Variants in EYS observed in about 807,000 individuals in gnomAD.
The protein encoded by EYS is protein eyes shut homolog.
A neutral mutation model predicts 282.1 loss-of-function variants in EYS; 250 were observed. The ratio of observed to expected loss-of-function variants is 0.89; its 90% CI spans 0.80 to 0.98. The LOEUF is 0.98. Ranked by LOEUF, EYS falls within the 50% of genes least tolerant of loss-of-function variation. EYS has a pLI of 0.00. For missense variants in EYS, 4,016 were observed against 3,709.0 expected (o/e 1.08, Z -2.15); for synonymous variants, 1,355 against 1,282.9 (o/e 1.06, Z -1.20).
chr6:64,860,612 G>C (rs1263498838), intron 19 of EYS, among the ~76,000 whole-genome samples: 2 of 152,218 alleles, frequency 1.3e-5, no homozygotes, highest in Non-Finnish European at 2.9e-5. Flanking sequence ...CCTAGCTTGG[G>C]GAGCTCCTAG....
intron 12 of EYS, among the ~76,000 whole-genome samples, chr6:65,167,365 G>T (rs886087335): frequency 1.3e-5 from 2 of 151,230 alleles, no homozygotes; most frequent in Non-Finnish European, 3.0e-5. Flanking sequence ...AACCTTGAAA[G>T]TATTATGTTC....
intron 35 of EYS, among the ~76,000 whole-genome samples, chr6:63,890,415 A>G (rs1052328504): frequency 1.3e-5 from 2 of 152,244 alleles, no homozygotes; most frequent in African/African-American, 4.8e-5. Context: ...ACCACAGTGC[A>G]ATCAAATTAG....
chr6:64,272,748 T>C (rs940607061), intron 30 of EYS, among the ~76,000 whole-genome samples: 5 of 152,246 alleles, frequency 3.3e-5, no homozygotes, highest in African/African-American at 1.2e-4. Context: ...TAGGGTAGAA[T>C]AAACAGCTTA....
chr6:63,917,280 G>C (rs1295596000), intron 35 of EYS, among the ~76,000 whole-genome samples: 1 of 152,214 alleles, frequency 6.6e-6, no homozygotes, highest in Non-Finnish European at 1.5e-5. Context: ...CTGGTTGATA[G>C]AAGTAGCTGA....
chr6:64,279,172 C>T (rs1361671470), intron 30 of EYS, among the ~76,000 whole-genome samples: 1 of 152,120 alleles, frequency 6.6e-6, no homozygotes, highest in African/African-American at 2.4e-5. Context: ...ATTTCTTATA[C>T]ATTGAATAGC....
chr6:64,138,743 G>C (rs79533241), intron 31 of EYS, among the ~76,000 whole-genome samples: 3,537 of 152,274 alleles, frequency 0.023, 116 homozygotes, highest in African/African-American at 0.072. Flanking sequence ...GCTTGTACAA[G>C]TGGAAAATTC....
chr6:64,419,073 C>A (rs1458124964), intron 28 of EYS, among the ~76,000 whole-genome samples: 1 of 152,166 alleles, frequency 6.6e-6, no homozygotes, highest in South Asian at 2.1e-4. Flanking sequence ...CTATGGCTCC[C>A]ATCTGAGTTC....
intron 29 of EYS, among the ~76,000 whole-genome samples, chr6:64,345,467 A>G (rs1397712433): frequency 6.6e-6 from 1 of 152,188 alleles, no homozygotes; most frequent in Non-Finnish European, 1.5e-5. Context: ...TCCCTATTTA[A>G]TAAATGGTGC....
At chr6:65,669,262 A>G (rs1043544157) in intron 1 of EYS, among the ~76,000 whole-genome samples, 1 of 152,094 alleles carries the variant, frequency 6.6e-6, no homozygotes, top group East Asian at 1.9e-4. Flanking sequence ...ATCCTCATAT[A>G]TAAACAAAGT....
chr6:64,489,255 A>C (rs933895922), intron 26 of EYS, among the ~76,000 whole-genome samples: 26 of 150,800 alleles, frequency 1.7e-4, no homozygotes, highest in Non-Finnish European at 3.4e-4. Flanking sequence ...GAAATATAAA[A>C]TCTAACTTCA....
chr6:65,273,362 G>T (rs1222201062), intron 12 of EYS, among the ~76,000 whole-genome samples: 1 of 152,120 alleles, frequency 6.6e-6, no homozygotes, highest in Non-Finnish European at 1.5e-5. Flanking sequence ...TGCATTAAGG[G>T]AAGGGAAACA....
intron 19 of EYS, among the ~76,000 whole-genome samples, chr6:64,862,727 T>C (rs1452693723): frequency 6.6e-6 from 1 of 152,164 alleles, no homozygotes; most frequent in Non-Finnish European, 1.5e-5. Context: ...CAGGCATTCG[T>C]ATGTAATGGC....
At position 64,319,689 on chromosome 6, in the gene EYS, A is replaced by AGATGGATG. The variant is rs10680189; in HGVS notation, c.6079-12615_6079-12608dup. On this transcript the variant is annotated intron_variant, in intron 29 of 42. Coordinates refer to ENST00000503581, the MANE Select transcript of EYS (RefSeq NM_001142800.2). ...TCTGTGTGTAAATACAGGCAATCTC[A>AGATGGATG]GATGGATGGATGGATGGATGGACGG... is the stretch of plus-strand genomic sequence containing the variant. 2.8e-3 allele frequency among the ~76,000 whole-genome samples: 426 copies of AGATGGATG among 150,730 alleles called. 1 individual carries two copies. The highest frequency in any genetic ancestry group is 8.4e-3 in the African/African-American group (343 of 41,042).
chr6:65,448,812 CTT>C (rs1429909750), intron 5 of EYS, among the ~76,000 whole-genome samples: 1 of 151,974 alleles, frequency 6.6e-6, no homozygotes, highest in Non-Finnish European at 1.5e-5. Context: ...CAACTTAAGA[CTT>C]GATGAAAATA....
chr6:64,870,039 G>A (rs975766774), intron 19 of EYS, among the ~76,000 whole-genome samples: 1 of 151,566 alleles, frequency 6.6e-6, no homozygotes, highest in Non-Finnish European at 1.5e-5. Flanking sequence ...GAACTGAAAG[G>A]ATCAGGCACT....
rs369745036 is a variant in EYS at position 65,329,109 on chromosome 6, T to G, written c.1766+5871A>C. On this transcript the variant is annotated intron_variant, in intron 11 of 42. Transcript: ENST00000503581. ...ACTATATAACATGCACAAGTCATTT[T>G]ATTGTTTGAGATATGAAATTGAAGT... Among the ~76,000 whole-genome samples the G allele has an allele frequency of 7.3e-5, 11 of 151,330 alleles. No homozygotes were observed. The East Asian group carries it at 1.9e-3, about 27-fold the overall frequency.
chr6:65,060,463 G>A (rs1311597414), intron 12 of EYS, among the ~76,000 whole-genome samples: 1 of 151,894 alleles, frequency 6.6e-6, no homozygotes, highest in East Asian at 1.9e-4. Flanking sequence ...AGAGGATGAT[G>A]TAAAAAACTC....
chr6:63,831,268 T>C (rs186552473), intron 36 of EYS, among the ~76,000 whole-genome samples: 1 of 152,256 alleles, frequency 6.6e-6, no homozygotes, highest in East Asian at 1.9e-4. Context: ...AGACACAGAC[T>C]GGCAAATTGG....
intron 12 of EYS, among the ~76,000 whole-genome samples, chr6:65,285,856 A>C (rs772806136): frequency 3.9e-5 from 6 of 151,904 alleles, no homozygotes; most frequent in African/African-American, 7.2e-5. Flanking sequence ...ATAAAAAATC[A>C]GGAGAAAAAG....
Sources: gnomAD v4.1 joint callset for allele counts (sites outside exome capture counted in the v4.1 genomes callset) on GRCh38, gnomAD v4.1.1 for gene constraint, MANE v1.5 for transcripts, NCBI Gene and HGNC (gene_info 2026-07-23, HGNC 2026-07-21) for gene names.